Variants in OXR1 observed in about 807,000 individuals in gnomAD.
The protein encoded by OXR1 is oxidation resistance protein 1.
OXR1 carries 41 observed loss-of-function variants against 104.6 expected under a neutral mutation model. The observed-to-expected ratio is 0.39, with a 90% CI of 0.31 to 0.51. The LOEUF is 0.51. Among genes scored for constraint, OXR1 ranks in the 20% least tolerant of loss-of-function variants. OXR1 has a pLI of 0.77. For missense variants in OXR1, 955 were observed against 1,031.9 expected (o/e 0.93, Z 1.02); for synonymous variants, 348 against 348.4 (o/e 1.00, Z 0.01).
chr8:106,748,796 C>T (rs1386467030), intron 16 of OXR1, among the ~76,000 whole-genome samples: 9 of 151,428 alleles, frequency 5.9e-5, no homozygotes, highest in Non-Finnish European at 1.5e-5. Flanking sequence ...TCGCAAACTA[C>T]TGACCTCAGG....
intron 3 of OXR1, among the ~76,000 whole-genome samples, chr8:106,626,480 T>A (rs933071556): frequency 6.6e-6 from 1 of 151,794 alleles, no homozygotes; most frequent in African/African-American, 2.4e-5. Flanking sequence ...TATTTTTACA[T>A]TAATGTAATT....
chr8:106,655,257 T>A lies in OXR1; in HGVS notation c.221-23953T>A, dbSNP rs542605480. Among the ~76,000 whole-genome samples, 3 of 152,294 alleles carry A rather than the reference T, an allele frequency of 2.0e-5. No homozygotes were observed. In the East Asian group the frequency reaches 5.8e-4, roughly 29 times the overall value. On this transcript the variant is annotated intron_variant, in intron 3 of 16. Coordinates refer to ENST00000517566, the MANE Select transcript of OXR1 (RefSeq NM_001198533.2). ...CCCTGAATTGTTATCAGGTGAACTA[T>A]ATAATTTTAACACGTGAATTTTACA...
chr8:106,465,863 C>T (rs1168485914), intron 2 of OXR1, among the ~76,000 whole-genome samples: 1 of 151,906 alleles, frequency 6.6e-6, no homozygotes, highest in Admixed American at 6.6e-5. Flanking sequence ...AGAGAGAATT[C>T]TGAGATTGGT....
At chr8:106,349,072 A>G (rs1815614804) in intron 1 of OXR1, among the ~76,000 whole-genome samples, 1 of 152,194 alleles carries the variant, frequency 6.6e-6, no homozygotes, top group Non-Finnish European at 1.5e-5. Context: ...GTGTACCAGG[A>G]ACACCAGTGA....
chr8:106,723,150 G>A (rs1832970481), intron 11 of OXR1, among the ~76,000 whole-genome samples: 1 of 151,982 alleles, frequency 6.6e-6, no homozygotes. Context: ...GAGGTCAGGA[G>A]TTCGAGACCA....
intron 6 of OXR1, among the ~76,000 whole-genome samples, chr8:106,691,954 A>G (rs1829330376): frequency 6.8e-6 from 1 of 147,728 alleles, no homozygotes; most frequent in Non-Finnish European, 1.5e-5. Flanking sequence ...AAAACCAAGA[A>G]GCGTATATAT....
chr8:106,437,655 A>G (rs1048036425), intron 2 of OXR1, among the ~76,000 whole-genome samples: 1 of 152,150 alleles, frequency 6.6e-6, no homozygotes, highest in Non-Finnish European at 1.5e-5. Context: ...GCTCCCTGTG[A>G]ATAAGGGATG....
At chr8:106,637,246 C>T (rs898022785) in intron 3 of OXR1, among the ~76,000 whole-genome samples, 27 of 152,060 alleles carry the variant, frequency 1.8e-4, no homozygotes, top group Non-Finnish European at 3.8e-4. Flanking sequence ...TTTCAAGATA[C>T]CTAAAATTCT....
At chr8:106,371,663 T>C (rs1404796483) in intron 2 of OXR1, among the ~76,000 whole-genome samples, 1 of 152,206 alleles carries the variant, frequency 6.6e-6, no homozygotes, top group Admixed American at 6.5e-5. Context: ...CCAGGGGTCA[T>C]TCAGGAGCAG....
At chr8:106,281,828 C>T (rs974462085) in intron 1 of OXR1, among the ~76,000 whole-genome samples, 1 of 141,652 alleles carries the variant, frequency 7.1e-6, no homozygotes, top group Non-Finnish European at 1.5e-5. Context: ...AAAAAAGACA[C>T]TTATATAGAA....
At chr8:106,726,430 T>C in intron 11 of OXR1, 1 of 573,928 alleles carries the variant, frequency 1.7e-6, no homozygotes, top group Non-Finnish European at 2.9e-6. Context: ...TACAAAATTT[T>C]ATGATTGTAC....
intron 3 of OXR1, among the ~76,000 whole-genome samples, chr8:106,639,853 T>C (rs1586946891): frequency 6.6e-6 from 1 of 152,272 alleles, no homozygotes; most frequent in African/African-American, 2.4e-5. Flanking sequence ...TGTAAGGTCA[T>C]GTTAATGTAG....
chr8:106,449,214 G>C (rs1820181227), intron 2 of OXR1, among the ~76,000 whole-genome samples: 3 of 152,120 alleles, frequency 2.0e-5, no homozygotes, highest in Non-Finnish European at 4.4e-5. Flanking sequence ...TTACCCCTCT[G>C]ATCACTTTTG....
rs192657283 is a variant in OXR1 at position 106,677,300 on chromosome 8, C to G, written c.221-1910C>G. 2.6e-5 allele frequency among the ~76,000 whole-genome samples: 4 copies of G among 152,118 alleles called. No individual in the cohort carries two copies. The East Asian group carries it at 7.7e-4, about 29-fold the overall frequency. On this transcript the variant is annotated intron_variant, in intron 3 of 16. Coordinates refer to ENST00000517566, the MANE Select transcript of OXR1 (RefSeq NM_001198533.2). ...CAGTTGTTTAAAATAAAAATAAATT[C>G]TTTAAAACTTATTTTATCTTAAAAT...
intron 11 of OXR1, among the ~76,000 whole-genome samples, chr8:106,719,481 A>G (rs1250988458): frequency 6.6e-6 from 1 of 152,220 alleles, no homozygotes; most frequent in African/African-American, 2.4e-5. Flanking sequence ...AATACATGTA[A>G]TATGTACAGT....
intron 1 of OXR1, among the ~76,000 whole-genome samples, chr8:106,329,629 G>A (rs1318928758): frequency 4.6e-5 from 7 of 152,192 alleles, no homozygotes; most frequent in African/African-American, 1.7e-4. Flanking sequence ...TCACAGGCGT[G>A]AGCCACCGCG....
intron 6 of OXR1, among the ~76,000 whole-genome samples, chr8:106,689,546 A>G (rs1829072921): frequency 6.6e-6 from 1 of 152,016 alleles, no homozygotes; most frequent in Non-Finnish European, 1.5e-5. Flanking sequence ...AATTTATATT[A>G]TGGAGCTTTA....
intron 2 of OXR1, among the ~76,000 whole-genome samples, chr8:106,431,542 T>A (rs1352644968): frequency 6.6e-6 from 1 of 152,238 alleles, no homozygotes; most frequent in East Asian, 1.9e-4. Context: ...AACTCTGCCA[T>A]CATGCTTCAT....
At position 106,707,061 on chromosome 8, in the gene OXR1, A is replaced by T; in HGVS notation, c.1540A>T (p.Thr514Ser). Reference sequence around the variant, plus strand: ...TTGGAAAACCCATACTATGCAACAAACTAAACAGCAAAGGGAAAATATTCA... The same window carrying T: ...TTGGAAAACCCATACTATGCAACAATCTAAACAGCAAAGGGAAAATATTCA... ...KLWKTHTMQQTKQQRENIQQV... is the reference protein window; with the variant it reads ...KLWKTHTMQQSKQQRENIQQV... Residue 514 changes from threonine (T) to serine (S), a missense_variant, in exon 9 of 17, where the codon ACT becomes TCT. Around this residue, in one of 2 missense-constraint regions of OXR1, gnomAD observed 849 missense variants for 852.9 expected, o/e 1.00. Transcript: ENST00000517566. The T allele has an allele frequency of 1.9e-6, 3 of 1,613,952 alleles. No individual in the cohort carries two copies. Among genetic ancestry groups the T allele is most frequent in the Non-Finnish European group, 2.5e-6 (3 of 1,179,912 alleles).
Sources: gnomAD v4.1 joint callset for allele counts (sites outside exome capture counted in the v4.1 genomes callset) on GRCh38, gnomAD v4.1.1 for gene constraint, gnomAD v4.1.1 regional missense constraint, MANE v1.5 for transcripts, NCBI Gene and HGNC (gene_info 2026-07-23, HGNC 2026-07-21) for gene names.